RELN: variants seen among roughly 807,000 people sequenced by gnomAD.
The protein encoded by RELN is reelin.
A neutral mutation model predicts 427.6 loss-of-function variants in RELN; 108 were observed. The observed-to-expected ratio is 0.25, with a 90% confidence interval of 0.22 to 0.30. RELN has a LOEUF of 0.30. Ranked by LOEUF, RELN falls within the 10% of genes least tolerant of loss-of-function variation. The probability of loss-of-function intolerance (pLI) is 1.00; values close to 1 mark genes in which losing one functional copy is unlikely to be tolerated. For missense variants in RELN, 3,715 were observed against 4,302.8 expected (o/e 0.86, Z 3.82); for synonymous variants, 1,524 against 1,513.4 (o/e 1.01, Z -0.16).
chr7:103,916,259 GA>G (rs1328683203), intron 2 of RELN, among the ~76,000 whole-genome samples: 2 of 152,036 alleles, frequency 1.3e-5, no homozygotes, highest in Non-Finnish European at 2.9e-5. Flanking sequence ...AAACATCATA[GA>G]AAAAAATAAA....
chr7:103,949,910 A>G (rs1219616211), intron 1 of RELN, among the ~76,000 whole-genome samples: 4 of 152,252 alleles, frequency 2.6e-5, no homozygotes, highest in Non-Finnish European at 4.4e-5. Flanking sequence ...TCAAAATGCC[A>G]AAGAAAGCAA....
intron 6 of RELN, among the ~76,000 whole-genome samples, chr7:103,732,685 G>T (rs1171317372): frequency 6.6e-6 from 1 of 152,064 alleles, no homozygotes; most frequent in African/African-American, 2.4e-5. Flanking sequence ...GTAATTCCTG[G>T]CTTACCCCAG....
At chr7:103,653,113 T>A (rs1351865263) in intron 13 of RELN, among the ~76,000 whole-genome samples, 1 of 152,060 alleles carries the variant, frequency 6.6e-6, no homozygotes, top group African/African-American at 2.4e-5. Flanking sequence ...TTATACTTTA[T>A]CATCAGTCCT....
At chr7:103,514,985 A>G (rs1216292671) in intron 50 of RELN, among the ~76,000 whole-genome samples, 200 bp downstream of exon 50, 1 of 152,192 alleles carries the variant, frequency 6.6e-6, no homozygotes, top group African/African-American at 2.4e-5. Flanking sequence ...AAAACACACT[A>G]GCTGGCTTGA....
At chr7:103,939,015 C>T (rs13240502) in intron 1 of RELN, among the ~76,000 whole-genome samples, 35,208 of 151,670 alleles carry the variant, frequency 0.23, 5,238 homozygotes, top group Non-Finnish European at 0.33. Context: ...GGCGTAGTCT[C>T]GGCTCAATGC....
chr7:103,646,016 C>A (rs979856753), intron 16 of RELN, among the ~76,000 whole-genome samples: 1 of 151,676 alleles, frequency 6.6e-6, no homozygotes, highest in Non-Finnish European at 1.5e-5. Flanking sequence ...AATTAAACAA[C>A]CTGCTCCTGA....
Position 103,682,256 on chromosome 7 carries a change from G to C in RELN, c.1149C>G (p.Ser383Arg). The C allele has an allele frequency of 6.2e-7, 1 of 1,614,008 alleles. No homozygotes were observed. Among genetic ancestry groups the C allele is most frequent in the Non-Finnish European group, 8.5e-7 (1 of 1,179,898 alleles). ...LFFPGATVKH[S>R]CQSDGNSIYF... ...AAATGGAGTTCCCATCTGACTGACA[G>C]CTATGCTGTAGGTGAAAAGAGAGCA... The change falls in exon 11 of 65, where the codon AGC becomes AGG. Residue 383 changes from serine to arginine, a missense_variant. By Grantham distance (110) the Ser-to-Arg change is moderately radical. Around this residue, in one of 4 missense-constraint regions of RELN, gnomAD observed 2,208 missense variants for 2,361.7 expected, o/e 0.93. Coordinates refer to ENST00000428762, the MANE Select transcript of RELN (RefSeq NM_005045.4).
chr7:103,894,011 A>G (rs192813339), intron 2 of RELN, among the ~76,000 whole-genome samples: 2 of 152,316 alleles, frequency 1.3e-5, no homozygotes, highest in Admixed American at 1.3e-4. Context: ...AATAAATTAT[A>G]ACTTATTAAA....
At chr7:103,821,790 A>C (rs553513318) in intron 3 of RELN, among the ~76,000 whole-genome samples, 320 of 134,096 alleles carry the variant, frequency 2.4e-3, no homozygotes, top group Non-Finnish European at 4.0e-3. Context: ...GTACATTTTT[A>C]ATTAGAAGGC....
chr7:103,831,368 A>G (rs576775510), intron 3 of RELN, among the ~76,000 whole-genome samples: 3 of 152,258 alleles, frequency 2.0e-5, no homozygotes, highest in Non-Finnish European at 2.9e-5. Flanking sequence ...GACATCTTAC[A>G]TATAAGACAC....
intron 3 of RELN, among the ~76,000 whole-genome samples, chr7:103,806,607 G>A (rs1792606651): frequency 6.6e-6 from 1 of 152,054 alleles, no homozygotes; most frequent in Non-Finnish European, 1.5e-5. Context: ...TTACAGGTGT[G>A]AGCCACCATG....
intron 20 of RELN, among the ~76,000 whole-genome samples, chr7:103,619,939 T>G (rs1428121136): frequency 6.6e-6 from 1 of 152,132 alleles, no homozygotes; most frequent in Non-Finnish European, 1.5e-5. Context: ...GCCACTAATG[T>G]GGGAATGAAG....
intron 24 of RELN, among the ~76,000 whole-genome samples, chr7:103,601,582 C>T (rs2117265511): frequency 6.6e-6 from 1 of 152,266 alleles, no homozygotes; most frequent in African/African-American, 2.4e-5. Context: ...GAATTGGTGG[C>T]TATATTACCT....
At chr7:103,501,179 GAAAT>G (rs1231380362) in intron 52 of RELN, among the ~76,000 whole-genome samples, 4 of 152,286 alleles carry the variant, frequency 2.6e-5, no homozygotes, top group Admixed American at 2.6e-4. Context: ...TCTGTGTCAA[GAAAT>G]AAATAGAAAT....
At chr7:103,687,475 T>C (rs1308614322) in intron 10 of RELN, among the ~76,000 whole-genome samples, 3 of 152,156 alleles carry the variant, frequency 2.0e-5, no homozygotes, top group African/African-American at 4.8e-5. Context: ...TGGGGATAAT[T>C]GTGAGCATTA....
chr7:103,629,444 TG>T (rs1427254380), intron 20 of RELN, among the ~76,000 whole-genome samples: 1 of 152,156 alleles, frequency 6.6e-6, no homozygotes, highest in Non-Finnish European at 1.5e-5. Flanking sequence ...AAAAAGGAGA[TG>T]TTAGTTAACC....
At position 103,753,196 on chromosome 7, in the gene RELN, A is replaced by G; in HGVS notation, c.563T>C (p.Val188Ala). 8.1e-6 allele frequency: 13 copies of G among 1,614,140 alleles called. No individual in the cohort carries two copies. The highest frequency in any genetic ancestry group is 1.1e-5 in the Non-Finnish European group (13 of 1,179,982). ...CEQGAPTDVT[V>A]HPHLAEIHSD... ...TAAACACTTACCTAGATGTGGGTGC[A>G]CAGTGACATCTGTTGGAGCTGAATC... is the stretch of plus-strand genomic sequence containing the variant. Residue 188 changes from valine (V) to alanine (A), a missense_variant, in exon 5 of 65, where the codon GTG (valine) becomes GCG (alanine). Around this residue, in one of 4 missense-constraint regions of RELN, gnomAD observed 2,208 missense variants for 2,361.7 expected, o/e 0.93. Transcript: ENST00000428762.
intron 40 of RELN, among the ~76,000 whole-genome samples, chr7:103,553,194 A>G (rs960032217): frequency 3.3e-5 from 5 of 152,198 alleles, no homozygotes; most frequent in Admixed American, 6.5e-5. Context: ...GAGCCTTTTC[A>G]TTTTTATAAT....
chr7:103,639,136 C>T (rs1197232120), intron 17 of RELN, among the ~76,000 whole-genome samples: 1 of 152,066 alleles, frequency 6.6e-6, no homozygotes, highest in Admixed American at 6.6e-5. Context: ...AGATATCAGC[C>T]AATGTTTCAT....
Sources: allele counts gnomAD v4.1 joint callset (sites outside exome capture counted in the v4.1 genomes callset), GRCh38; gene constraint gnomAD v4.1.1; regional missense constraint gnomAD v4.1.1; transcripts MANE v1.5; gene names NCBI Gene and HGNC (gene_info 2026-07-23, HGNC 2026-07-21).